Variants in CDH18 observed in about 807,000 individuals in gnomAD.
The protein encoded by CDH18 is cadherin 18, also known as cadherin-18.
In CDH18, 31 loss-of-function variants were observed where a neutral mutation model predicts 67.9. The observed-to-expected ratio is 0.46, with a 90% CI of 0.34 to 0.62. The LOEUF (loss-of-function observed/expected upper bound fraction) is 0.62. CDH18 is among the 20% of genes least tolerant of loss of function. The pLI, the probability that CDH18 is intolerant of heterozygous loss-of-function variation, is 0.01. For missense variants in CDH18, 890 were observed against 975.5 expected (o/e 0.91, Z 1.17); for synonymous variants, 362 against 347.2 (o/e 1.04, Z -0.48).
At chr5:19,881,483 A>G (rs1787635790) in intron 2 of CDH18, among the ~76,000 whole-genome samples, 1 of 151,060 alleles carries the variant, frequency 6.6e-6, no homozygotes. Context: ...TCAAACGCTG[A>G]CAAATACCCA....
chr5:20,148,047 C>T (rs189622484), intron 2 of CDH18, among the ~76,000 whole-genome samples: 44 of 150,970 alleles, frequency 2.9e-4, no homozygotes, highest in Admixed American at 2.8e-3. Context: ...TTTTGCCTAT[C>T]TACTTTACCT....
intron 2 of CDH18, among the ~76,000 whole-genome samples, chr5:20,130,853 A>G (rs1027145481): frequency 2.0e-5 from 3 of 151,982 alleles, no homozygotes; most frequent in Non-Finnish European, 4.4e-5. Context: ...GGCCTTCTCT[A>G]TATCATTTTC....
At chr5:19,710,639 A>C (rs959153312) in intron 5 of CDH18, among the ~76,000 whole-genome samples, 1 of 152,120 alleles carries the variant, frequency 6.6e-6, no homozygotes, top group Non-Finnish European at 1.5e-5. Context: ...GTAGCAAAAT[A>C]AAAACTGTTT....
chr5:20,280,682 T>G (rs1384369957), intron 1 of CDH18, among the ~76,000 whole-genome samples: 2 of 152,154 alleles, frequency 1.3e-5, no homozygotes, highest in Admixed American at 6.6e-5. Context: ...GTGCATGTGT[T>G]TTTATAGCAG....
At chr5:19,552,763 G>T (rs554663521) in intron 8 of CDH18, among the ~76,000 whole-genome samples, 48 of 152,092 alleles carry the variant, frequency 3.2e-4, no homozygotes, top group Non-Finnish European at 5.6e-4. Context: ...AGTCCCATAG[G>T]CAAACCTTAA....
chr5:19,721,383 G>T lies in CDH18; in HGVS notation c.607C>A (p.Gln203Lys). 1 of 1,608,396 alleles carries T rather than the reference G, an allele frequency of 6.2e-7. No individual in the cohort carries two copies. Among genetic ancestry groups the T allele is most frequent in the Non-Finnish European group, 8.5e-7 (1 of 1,175,790 alleles). Residue 203 changes from glutamine to lysine, a missense_variant, in exon 5 of 13, where the codon CAA becomes AAA. Physicochemically the swap from Gln to Lys is moderately conservative, Grantham distance 53. Transcript: ENST00000382275. Reference protein sequence around the residue: ...NSARVVYSILQGQPYFSVDPK... With the variant: ...NSARVVYSILKGQPYFSVDPK... ...TCGACGGAGAAGTAGGGTTGTCCTTGGAGAATGCTGTAAACCACCCGAGCG... is the reference window on the plus strand; with the variant it reads ...TCGACGGAGAAGTAGGGTTGTCCTTTGAGAATGCTGTAAACCACCCGAGCG...
chr5:19,573,969 G>A (rs987250068), intron 7 of CDH18, among the ~76,000 whole-genome samples: 1 of 152,270 alleles, frequency 6.6e-6, no homozygotes, highest in African/African-American at 2.4e-5. Context: ...AAAAATCAGA[G>A]TTACATACTT....
intron 2 of CDH18, among the ~76,000 whole-genome samples, chr5:20,169,743 G>C (rs1016764279): frequency 6.6e-6 from 1 of 151,970 alleles, no homozygotes; most frequent in Non-Finnish European, 1.5e-5. Context: ...TATGATGTTA[G>C]CAAAATAAAT....
At chr5:19,582,214 T>C (rs543208486) in intron 7 of CDH18, among the ~76,000 whole-genome samples, 50 of 152,100 alleles carry the variant, frequency 3.3e-4, no homozygotes, top group African/African-American at 8.7e-4. Context: ...TGCATATGTG[T>C]GCACGTGTAT....
intron 5 of CDH18, among the ~76,000 whole-genome samples, chr5:19,704,221 A>G (rs1017881947): frequency 6.6e-6 from 1 of 152,210 alleles, no homozygotes; most frequent in Non-Finnish European, 1.5e-5. Flanking sequence ...TGGTAGATAC[A>G]GGAGCAGACA....
chr5:19,982,775 T>C (rs188729519), intron 1 of CDH18, among the ~76,000 whole-genome samples: 2 of 152,296 alleles, frequency 1.3e-5, no homozygotes, highest in Non-Finnish European at 2.9e-5. Flanking sequence ...CCAGGCACCA[T>C]GGCTCACACC....
At chr5:20,013,758 G>A (rs1201160383) in intron 2 of CDH18, among the ~76,000 whole-genome samples, 1 of 151,680 alleles carries the variant, frequency 6.6e-6, no homozygotes, top group Non-Finnish European at 1.5e-5. Context: ...AAATCTTAAG[G>A]GAACCAAAAA....
chr5:20,562,372 A>G (rs1402632059), intron 1 of CDH18, among the ~76,000 whole-genome samples: 1 of 151,786 alleles, frequency 6.6e-6, no homozygotes, highest in Non-Finnish European at 1.5e-5. Flanking sequence ...GAACATGAGA[A>G]TATTTGAGAA....
intron 2 of CDH18, among the ~76,000 whole-genome samples, chr5:20,193,852 CAT>C (rs1292733515): frequency 6.6e-6 from 1 of 152,110 alleles, no homozygotes; most frequent in Admixed American, 6.6e-5. Context: ...ACAAGAACCA[CAT>C]GATTATCTCA....
chr5:19,807,815 T>C (rs980577323), intron 3 of CDH18, among the ~76,000 whole-genome samples: 2 of 152,166 alleles, frequency 1.3e-5, no homozygotes, highest in East Asian at 1.9e-4. Context: ...ACTGTGTATG[T>C]AGTAAGTTTT....
At chr5:20,248,615 G>A (rs1743568009) in intron 2 of CDH18, among the ~76,000 whole-genome samples, 1 of 152,162 alleles carries the variant, frequency 6.6e-6, no homozygotes, top group Non-Finnish European at 1.5e-5. Context: ...CTAGAAACCA[G>A]AGTTTTTACC....
At chr5:19,560,196 C>A (rs1393778957) in intron 8 of CDH18, among the ~76,000 whole-genome samples, 1 of 151,872 alleles carries the variant, frequency 6.6e-6, no homozygotes, top group East Asian at 1.9e-4. Context: ...AGAGAGCCTG[C>A]ATAGCCAAAG....
chr5:19,656,610 G>A (rs1756444398), intron 5 of CDH18, among the ~76,000 whole-genome samples: 2 of 152,076 alleles, frequency 1.3e-5, no homozygotes, highest in South Asian at 4.1e-4. Context: ...TCAGGTGGGA[G>A]TGACCAAAAG....
At chr5:20,479,599 T>C (rs952655261) in intron 1 of CDH18, among the ~76,000 whole-genome samples, 1 of 151,934 alleles carries the variant, frequency 6.6e-6, no homozygotes, top group Non-Finnish European at 1.5e-5. Context: ...TAAAAAAGAA[T>C]GAAGCATGAC....
Sources: gnomAD v4.1 joint callset for allele counts (sites outside exome capture counted in the v4.1 genomes callset) on GRCh38, gnomAD v4.1.1 for gene constraint, MANE v1.5 for transcripts, NCBI Gene and HGNC (gene_info 2026-07-23, HGNC 2026-07-21) for gene names.